JAKMIP3: variants seen among roughly 807,000 people sequenced by gnomAD.
JAKMIP3 encodes the protein janus kinase and microtubule-interacting protein 3.
JAKMIP3 carries 58 observed loss-of-function variants against 118.5 expected under a neutral mutation model. That is an observed-to-expected ratio of 0.49 (90% CI 0.40 to 0.61). The LOEUF (loss-of-function observed/expected upper bound fraction) is 0.61, where lower values mean the gene tolerates loss of function less well. Among genes scored for constraint, JAKMIP3 ranks in the 20% least tolerant of loss-of-function variants. JAKMIP3 has a pLI of 0.00. For missense variants in JAKMIP3, 950 were observed against 1,109.0 expected (o/e 0.86, Z 2.04); for synonymous variants, 486 against 451.2 (o/e 1.08, Z -0.98).
intron 1 of JAKMIP3, among the ~76,000 whole-genome samples, chr10:132,051,352 T>C (rs58664454): frequency 0.059 from 5,634 of 95,958 alleles, 402 homozygotes; most frequent in Middle Eastern, 0.1. Flanking sequence ...TAATTCCAGC[T>C]GTTCTGGTTG....
intron 1 of JAKMIP3, among the ~76,000 whole-genome samples, chr10:132,071,178 T>TGTGTGTGA (rs2039778503): frequency 6.6e-6 from 1 of 151,968 alleles, no homozygotes; most frequent in African/African-American, 2.4e-5. Flanking sequence ...TGTGTGTGTG[T>TGTGTGTGA]GTGTGTGTGT....
chr10:132,116,010 G>A lies in JAKMIP3; in HGVS notation c.136-1067G>A, dbSNP rs1255706625. Among the ~76,000 whole-genome samples, 5 of 152,234 alleles carry A rather than the reference G, an allele frequency of 3.3e-5. No homozygotes were observed. The East Asian group carries it at 7.7e-4, about 23-fold the overall frequency. Reference sequence around the variant, plus strand: ...CAGAGCCTGGCCCACGGCAGGCAGCGGTCCCGGCACTGTGGTCTGAATATA... The same window carrying A: ...CAGAGCCTGGCCCACGGCAGGCAGCAGTCCCGGCACTGTGGTCTGAATATA... On this transcript the variant is annotated intron_variant, in intron 2 of 23. Coordinates refer to ENST00000684848, the MANE Select transcript of JAKMIP3 (RefSeq NM_001323087.2).
chr10:132,139,824 G>A (rs891417981), intron 9 of JAKMIP3, among the ~76,000 whole-genome samples: 1 of 152,156 alleles, frequency 6.6e-6, no homozygotes, highest in Non-Finnish European at 1.5e-5. Flanking sequence ...ACTGGGAGGA[G>A]ACCTGGAGGC....
Position 132,066,049 on chromosome 10 carries a change from C to T in JAKMIP3, c.-150C>T, listed in dbSNP as rs762796027. Among the ~76,000 whole-genome samples the T allele has an allele frequency of 2.0e-5, 3 of 152,112 alleles. No individual in the cohort carries two copies. Among genetic ancestry groups the T allele is most frequent in the African/African-American group, 7.2e-5 (3 of 41,410 alleles). On this transcript the variant is annotated 5_prime_UTR_variant, in exon 1 of 24. It introduces an in-frame stop codon into an upstream open reading frame of the 5' UTR. Coordinates refer to ENST00000684848, the MANE Select transcript of JAKMIP3 (RefSeq NM_001323087.2). ...AGCGATGGGAGAGAGGAGCAGACAGCGAGCTTTGGAATGTGAGTGTTTATT... is the reference window on the plus strand; with the variant it reads ...AGCGATGGGAGAGAGGAGCAGACAGTGAGCTTTGGAATGTGAGTGTTTATT...
chr10:132,037,824 C>G (rs2037562208), intron 1 of JAKMIP3, among the ~76,000 whole-genome samples: 1 of 152,200 alleles, frequency 6.6e-6, no homozygotes, highest in Non-Finnish European at 1.5e-5. Flanking sequence ...TTGCCTGGGC[C>G]GCAGCGCAGG....
intron 19 of JAKMIP3, among the ~76,000 whole-genome samples, chr10:132,162,746 A>G (rs1419353992): frequency 3.9e-5 from 3 of 76,338 alleles, no homozygotes; most frequent in Non-Finnish European, 1.2e-4. Context: ...CCAGGAATTC[A>G]TGAAAAGGTG....
At chr10:132,059,240 G>A (rs1187533280) in intron 1 of JAKMIP3, among the ~76,000 whole-genome samples, 1 of 152,244 alleles carries the variant, frequency 6.6e-6, no homozygotes, top group Non-Finnish European at 1.5e-5. Context: ...CCCACCTGCT[G>A]CTGGTGCCAT....
At chr10:132,120,271 C>T (rs542197593) in intron 3 of JAKMIP3, among the ~76,000 whole-genome samples, 26 of 152,346 alleles carry the variant, frequency 1.7e-4, no homozygotes, top group African/African-American at 6.3e-4. Context: ...GCCCCTGCCC[C>T]ACCACCAACA....
At chr10:132,173,540 CTCT>C (rs2059832031) in intron 23 of JAKMIP3, among the ~76,000 whole-genome samples, 1 of 152,104 alleles carries the variant, frequency 6.6e-6, no homozygotes, top group African/African-American at 2.4e-5. Flanking sequence ...CAGGTGGGGT[CTCT>C]TCTTACCCAC....
At chr10:132,146,725 G>A (rs915154020) in intron 13 of JAKMIP3, among the ~76,000 whole-genome samples, 1 of 152,210 alleles carries the variant, frequency 6.6e-6, no homozygotes, top group Admixed American at 6.5e-5. Flanking sequence ...CCAGCCCAGG[G>A]CTGGTCGTGC....
At chr10:132,113,932 C>G (rs1047737128) in intron 2 of JAKMIP3, among the ~76,000 whole-genome samples, 1 of 152,236 alleles carries the variant, frequency 6.6e-6, no homozygotes, top group African/African-American at 2.4e-5. Context: ...CCGTCCTTCG[C>G]CTCTCCCGGG....
intron 13 of JAKMIP3, among the ~76,000 whole-genome samples, chr10:132,146,966 G>A (rs78655578): frequency 2.6e-5 from 4 of 152,220 alleles, no homozygotes; most frequent in East Asian, 1.9e-4. Context: ...ACTTGAACAC[G>A]CACACACGTA....
intron 23 of JAKMIP3, among the ~76,000 whole-genome samples, chr10:132,180,515 A>G (rs1163205891): frequency 7.6e-6 from 1 of 131,498 alleles, no homozygotes; most frequent in East Asian, 2.0e-4. Flanking sequence ...GCAAACCTGG[A>G]AGCAGAACTG....
chr10:132,078,889 T>G (rs944102514), intron 1 of JAKMIP3, among the ~76,000 whole-genome samples: 20 of 152,304 alleles, frequency 1.3e-4, no homozygotes, highest in Admixed American at 1.3e-3. Context: ...GCCGGATGAT[T>G]GGCCGTGGCC....
At chr10:132,155,061 G>A (rs537309583) in intron 19 of JAKMIP3, among the ~76,000 whole-genome samples, 259 of 149,584 alleles carry the variant, frequency 1.7e-3, no homozygotes, top group African/African-American at 6.1e-3. Context: ...CATGGTGGTA[G>A]TAGTGGTAAT....
At chr10:132,136,934 G>C in intron 6 of JAKMIP3, 85 bp from the exon 7 acceptor site, 1 of 1,476,804 alleles carries the variant, frequency 6.8e-7, no homozygotes, top group Non-Finnish European at 9.1e-7. Flanking sequence ...CCCGGGTTGA[G>C]GGAGAAGACC....
chr10:132,180,742 C>CGTGTGTGT lies in JAKMIP3; in HGVS notation c.*1104-1612_*1104-1611insTGTGTGTG, dbSNP rs1262889146. On this transcript the variant is annotated intron_variant, in intron 23 of 23. Transcript: ENST00000684848. Reference sequence around the variant, plus strand: ...GTGCGTGTGTGTGCGTGTGTGCGTGCGTGCGCGCGCGTGTGTGCGTGTGTG... The same window carrying CGTGTGTGT: ...GTGCGTGTGTGTGCGTGTGTGCGTGCGTGTGTGTGTGCGCGCGCGTGTGTGCGTGTGTG... Among the ~76,000 whole-genome samples, 14 of 8,716 alleles carry CGTGTGTGT rather than the reference C, an allele frequency of 1.6e-3. 2 individuals carry two copies. The highest frequency in any genetic ancestry group is 3.0e-3 in the Non-Finnish European group (14 of 4,630). 5.7% of individuals were successfully genotyped at this position (8,716 alleles called of 152,430 possible).
chr10:132,162,034 G>A (rs2058404108), intron 19 of JAKMIP3, among the ~76,000 whole-genome samples: 1 of 147,566 alleles, frequency 6.8e-6, no homozygotes, highest in African/African-American at 2.4e-5. Flanking sequence ...TCTCTCCTAT[G>A]TCGTTCATGG....
intron 9 of JAKMIP3, among the ~76,000 whole-genome samples, chr10:132,138,946 C>A (rs1367732943): frequency 1.3e-5 from 2 of 152,252 alleles, no homozygotes; most frequent in Non-Finnish European, 2.9e-5. Flanking sequence ...CACCTGTCAT[C>A]ATTTCTCTAC....
Sources: allele counts gnomAD v4.1 joint callset (sites outside exome capture counted in the v4.1 genomes callset), GRCh38; gene constraint gnomAD v4.1.1; transcripts MANE v1.5; gene names NCBI Gene and HGNC (gene_info 2026-07-23, HGNC 2026-07-21).